Variants in PPFIA2 observed in about 807,000 individuals in gnomAD.
PPFIA2 encodes the protein liprin-alpha-2.
PPFIA2 carries 46 observed loss-of-function variants against 175.5 expected under a neutral mutation model. The observed-to-expected ratio is 0.26, with a 90% CI of 0.21 to 0.34. The LOEUF (loss-of-function observed/expected upper bound fraction) is 0.34, where lower values mean the gene tolerates loss of function less well. Among genes scored for constraint, PPFIA2 ranks in the 10% least tolerant of loss-of-function variants. The probability of loss-of-function intolerance (pLI) is 1.00; values close to 1 mark genes in which losing one functional copy is unlikely to be tolerated. For missense variants in PPFIA2, 1,179 were observed against 1,506.1 expected, an observed-to-expected ratio of 0.78 and a Z score of 3.60; for synonymous variants, 568 against 511.4, an observed-to-expected ratio of 1.11 and a Z score of -1.49.
At chr12:81,283,124 G>T in intron 25 of PPFIA2, 85 bp from the exon 26 acceptor site, 2 of 1,263,752 alleles carry the variant, frequency 1.6e-6, no homozygotes, top group Non-Finnish European at 2.3e-6. Context: ...TCTAGCAGAA[G>T]CAAAATTGTT....
At chr12:81,659,021 C>CT (rs2068291098) in intron 4 of PPFIA2, among the ~76,000 whole-genome samples, 1 of 152,116 alleles carries the variant, frequency 6.6e-6, no homozygotes, top group Non-Finnish European at 1.5e-5. Context: ...TTTTCCTTCA[C>CT]AAGCCTTTCT....
chr12:81,641,109 A>T (rs2064906791), intron 4 of PPFIA2, among the ~76,000 whole-genome samples: 1 of 152,138 alleles, frequency 6.6e-6, no homozygotes, highest in African/African-American at 2.4e-5. Context: ...TTGTGTTGGG[A>T]ACATTTCAAA....
At chr12:81,642,683 C>CATCATGTATGTATA (rs1567686433) in intron 4 of PPFIA2, among the ~76,000 whole-genome samples, 1 of 35,980 alleles carries the variant, frequency 2.8e-5, no homozygotes, top group Non-Finnish European at 5.3e-5. Flanking sequence ...ATGTATGTAT[C>CATCATGTATGTATA]TATTATATAC....
intron 22 of PPFIA2, among the ~76,000 whole-genome samples, chr12:81,314,043 C>G (rs755026736): frequency 6.6e-6 from 1 of 151,858 alleles, no homozygotes; most frequent in Non-Finnish European, 1.5e-5. Flanking sequence ...TCTGATTTCT[C>G]ATAGTTTTTA....
At chr12:81,709,303 TC>T (rs1415258469) in intron 3 of PPFIA2, among the ~76,000 whole-genome samples, 1 of 152,128 alleles carries the variant, frequency 6.6e-6, no homozygotes, top group Non-Finnish European at 1.5e-5. Flanking sequence ...GCTCACCACT[TC>T]CCCTAATGTA....
chr12:81,522,616 T>C (rs1324098924), intron 4 of PPFIA2, among the ~76,000 whole-genome samples: 2 of 152,230 alleles, frequency 1.3e-5, no homozygotes, highest in African/African-American at 4.8e-5. Context: ...AATATATCTT[T>C]ATAAAAATTA....
intron 4 of PPFIA2, among the ~76,000 whole-genome samples, chr12:81,480,610 T>C (rs1271427148): frequency 6.6e-6 from 1 of 152,190 alleles, no homozygotes; most frequent in Non-Finnish European, 1.5e-5. Context: ...ATGTCCTTTT[T>C]GTTGATGTTG....
intron 16 of PPFIA2, among the ~76,000 whole-genome samples, chr12:81,356,618 G>A (rs146085614): frequency 7.2e-5 from 11 of 152,090 alleles, no homozygotes; most frequent in South Asian, 4.2e-4. Context: ...AGCCATGATC[G>A]TGCCACTGCA....
At chr12:81,546,406 G>C (rs1358992801) in intron 4 of PPFIA2, 1 of 151,000 alleles carries the variant, frequency 6.6e-6, no homozygotes, top group East Asian at 2.0e-4. Context: ...GGCAAATGCA[G>C]GCTGTGGTAG....
chr12:81,281,471 T>C (rs772629016), intron 26 of PPFIA2, 21 bp from the exon 27 acceptor site: 45 of 1,523,684 alleles, frequency 3.0e-5, no homozygotes, highest in Non-Finnish European at 4.0e-5. Context: ...TTTATAGCAG[T>C]CAAGTTTCTT....
chr12:81,309,117 T>A lies in PPFIA2; in HGVS notation c.2643-9735A>T, dbSNP rs972916269. On this transcript the variant is annotated intron_variant, in intron 22 of 32. Transcript: ENST00000549396. ...CAGGAAATGTACACAGACTTCACAC[T>A]ATTATTAATTGTAAAATGTATATTG... 2.6e-5 allele frequency among the ~76,000 whole-genome samples: 4 copies of A among 152,298 alleles called. No homozygotes were observed. In the East Asian group the frequency reaches 7.7e-4, roughly 29 times the overall value.
chr12:81,486,167 C>A (rs1019896879), intron 4 of PPFIA2, among the ~76,000 whole-genome samples: 1 of 151,796 alleles, frequency 6.6e-6, no homozygotes, highest in Non-Finnish European at 1.5e-5. Context: ...AGCTTATTGA[C>A]TATAAACAAT....
intron 4 of PPFIA2, among the ~76,000 whole-genome samples, chr12:81,481,478 C>G (rs976622026): frequency 1.3e-5 from 2 of 152,134 alleles, no homozygotes; most frequent in African/African-American, 4.8e-5. Context: ...ATCATGCTAC[C>G]TGACTGCAAA....
chr12:81,434,606 A>C (rs1592926733), intron 7 of PPFIA2, among the ~76,000 whole-genome samples: 1 of 152,256 alleles, frequency 6.6e-6, no homozygotes, highest in Non-Finnish European at 1.5e-5. Flanking sequence ...ATACATTTTC[A>C]AGTAGGAGGG....
intron 8 of PPFIA2, among the ~76,000 whole-genome samples, chr12:81,389,402 A>C (rs762640016): frequency 5.9e-5 from 9 of 151,720 alleles, no homozygotes; most frequent in Non-Finnish European, 1.3e-4. Context: ...AATTAAAATA[A>C]AACGCTTTTA....
At chr12:81,738,944 G>A (rs1008506411) in intron 3 of PPFIA2, among the ~76,000 whole-genome samples, 9 of 151,752 alleles carry the variant, frequency 5.9e-5, no homozygotes, top group Admixed American at 4.6e-4. Context: ...ATTACTACTA[G>A]TAATAAAATC....
chr12:81,719,580 T>G (rs576620896), intron 3 of PPFIA2, among the ~76,000 whole-genome samples: 13 of 151,658 alleles, frequency 8.6e-5, no homozygotes, highest in Admixed American at 6.6e-4. Flanking sequence ...AAAAAGAAAT[T>G]TAAGCCAAAG....
chr12:81,554,480 C>T (rs2068493135), intron 4 of PPFIA2, among the ~76,000 whole-genome samples: 2 of 151,948 alleles, frequency 1.3e-5, no homozygotes, highest in South Asian at 4.1e-4. Flanking sequence ...TGGCTTCTTC[C>T]AATTTTCTTA....
intron 3 of PPFIA2, among the ~76,000 whole-genome samples, chr12:81,724,185 A>G (rs752305419): frequency 2.0e-5 from 3 of 150,976 alleles, no homozygotes; most frequent in Non-Finnish European, 4.5e-5. Context: ...TGACATTGTT[A>G]ATAGTGATTG....
Sources: gnomAD v4.1 joint callset for allele counts (sites outside exome capture counted in the v4.1 genomes callset) on GRCh38, gnomAD v4.1.1 for gene constraint, MANE v1.5 for transcripts, NCBI Gene and HGNC (gene_info 2026-07-23, HGNC 2026-07-21) for gene names.